Variants in RBFOX1 observed in about 807,000 individuals in gnomAD.
RBFOX1 encodes the protein RNA binding fox-1 homolog 1, also known as RNA binding protein fox-1 homolog 1.
In RBFOX1, 8 loss-of-function variants were observed where a neutral mutation model predicts 57.7. The ratio of observed to expected loss-of-function variants is 0.14; its 90% CI spans 0.08 to 0.25. The LOEUF is 0.25. RBFOX1 is among the 10% of genes least tolerant of loss of function. RBFOX1 has a pLI of 1.00. For missense variants in RBFOX1, 611 were observed against 548.5 expected, an observed-to-expected ratio of 1.11 and a Z score of -1.14; for synonymous variants, 326 against 222.4, an observed-to-expected ratio of 1.47 and a Z score of -4.15.
At chr16:7,228,305 T>G (rs2093279423) in intron 4 of RBFOX1, among the ~76,000 whole-genome samples, 1 of 152,148 alleles carries the variant, frequency 6.6e-6, no homozygotes, top group Non-Finnish European at 1.5e-5. Flanking sequence ...AATATAATGA[T>G]TATTATTCAC....
At chr16:7,491,691 C>T (rs1463182671) in intron 4 of RBFOX1, among the ~76,000 whole-genome samples, 1 of 152,104 alleles carries the variant, frequency 6.6e-6, no homozygotes, top group East Asian at 1.9e-4. Context: ...AGTGCAAGTA[C>T]ATGATTGTGG....
intron 2 of RBFOX1, among the ~76,000 whole-genome samples, chr16:6,386,204 GGATTACAGGCGTAA>G (rs2092270855): frequency 6.6e-6 from 1 of 152,152 alleles, no homozygotes; most frequent in African/African-American, 2.4e-5. Flanking sequence ...CAAAGTGCTC[GGATTACAGGCGTAA>G]GAACACATTT....
intron 4 of RBFOX1, among the ~76,000 whole-genome samples, chr16:5,869,212 C>A (rs1018355957): frequency 1.3e-5 from 2 of 151,958 alleles, no homozygotes; most frequent in Non-Finnish European, 2.9e-5. Flanking sequence ...GGACTGATTG[C>A]GCTTTCTGGA....
At chr16:6,876,006 T>G (rs970370663) in intron 3 of RBFOX1, among the ~76,000 whole-genome samples, 1 of 151,068 alleles carries the variant, frequency 6.6e-6, no homozygotes, top group African/African-American at 2.4e-5. Flanking sequence ...CAAAAAATAA[T>G]AATTCCATTT....
chr16:7,103,031 A>C (rs1296347713), intron 4 of RBFOX1, among the ~76,000 whole-genome samples: 2 of 144,840 alleles, frequency 1.4e-5, no homozygotes, highest in Non-Finnish European at 2.9e-5. Context: ...CTATTTGTCT[A>C]TCTATTTCCA....
At chr16:6,679,879 T>G (rs1020983041) in intron 3 of RBFOX1, among the ~76,000 whole-genome samples, 35 of 1,856 alleles carry the variant, frequency 0.019, no homozygotes, top group Admixed American at 0.023. Flanking sequence ...TTTCTACTTG[T>G]TTTTTTTTTT....
intron 3 of RBFOX1, among the ~76,000 whole-genome samples, chr16:5,669,219 C>G (rs2049941809): frequency 6.6e-6 from 1 of 152,056 alleles, no homozygotes; most frequent in African/African-American, 2.4e-5. Context: ...CCTACTCTGT[C>G]CTTTCCTTCT....
intron 4 of RBFOX1, among the ~76,000 whole-genome samples, chr16:7,105,816 C>A (rs975089303): frequency 6.6e-6 from 1 of 151,928 alleles, no homozygotes; most frequent in Admixed American, 6.6e-5. Context: ...ATCACAGGTT[C>A]TTTATCCACT....
At chr16:7,366,156 G>C (rs2097441806) in intron 4 of RBFOX1, among the ~76,000 whole-genome samples, 1 of 152,198 alleles carries the variant, frequency 6.6e-6, no homozygotes, top group South Asian at 2.1e-4. Flanking sequence ...AGTGTATTGA[G>C]GCCTTTCCCA....
In RBFOX1 at chr16:5,735,650, G is replaced by A. The variant is rs561710971; in HGVS notation, c.319-131653G>A. Among the ~76,000 whole-genome samples the A allele has an allele frequency of 3.3e-5, 5 of 152,244 alleles. No individual in the cohort carries two copies. The South Asian group carries it at 6.2e-4, about 19-fold the overall frequency. Reference sequence around the variant, plus strand: ...AGTGGTTCACGCCTATAATCTCAGCGCTTTGGGAGGCCAAAGTGGGTGGGT... The same window carrying A: ...AGTGGTTCACGCCTATAATCTCAGCACTTTGGGAGGCCAAAGTGGGTGGGT... On this transcript the variant is annotated intron_variant, in intron 3 of 19. Coordinates refer to the RBFOX1 transcript ENST00000641259.
chr16:6,891,116 C>A (rs1179606478), intron 3 of RBFOX1, among the ~76,000 whole-genome samples: 1 of 152,290 alleles, frequency 6.6e-6, no homozygotes, highest in South Asian at 2.1e-4. Flanking sequence ...TCCATTCATT[C>A]ATTAGTGACT....
At chr16:6,947,842 T>C (rs2079869844) in intron 3 of RBFOX1, among the ~76,000 whole-genome samples, 1 of 152,218 alleles carries the variant, frequency 6.6e-6, no homozygotes, top group African/African-American at 2.4e-5. Flanking sequence ...AGTCGTGCAA[T>C]CTTGGCTCAC....
intron 1 of RBFOX1, among the ~76,000 whole-genome samples, chr16:5,370,272 C>T (rs1751111225): frequency 6.6e-6 from 1 of 152,066 alleles, no homozygotes. Flanking sequence ...AGACTTGTAA[C>T]AGACAAGCCC....
chr16:7,578,179 G>A (rs1287150086), intron 5 of RBFOX1, among the ~76,000 whole-genome samples: 1 of 152,120 alleles, frequency 6.6e-6, no homozygotes, highest in Non-Finnish European at 1.5e-5. Context: ...ATACATACCA[G>A]GAACTTGGCC....
At chr16:5,575,850 C>CAGA (rs2046433761) in intron 2 of RBFOX1, among the ~76,000 whole-genome samples, 1 of 150,342 alleles carries the variant, frequency 6.7e-6, no homozygotes, top group Non-Finnish European at 1.5e-5. Flanking sequence ...TTCTCTCATT[C>CAGA]AAAAAAAAAA....
At chr16:6,878,127 G>C (rs138250171) in intron 3 of RBFOX1, among the ~76,000 whole-genome samples, 4 of 152,146 alleles carry the variant, frequency 2.6e-5, no homozygotes, top group Non-Finnish European at 5.9e-5. Flanking sequence ...ACTTCTAAGA[G>C]AAGTGATAGC....
intron 3 of RBFOX1, among the ~76,000 whole-genome samples, chr16:6,918,518 C>A (rs745652237): frequency 1.3e-5 from 2 of 152,102 alleles, no homozygotes; most frequent in Non-Finnish European, 2.9e-5. Flanking sequence ...GGCCCTAATT[C>A]ATAACTTTCA....
At chr16:7,453,606 A>C (rs144980413) in intron 4 of RBFOX1, among the ~76,000 whole-genome samples, 1 of 152,156 alleles carries the variant, frequency 6.6e-6, no homozygotes, top group Non-Finnish European at 1.5e-5. Flanking sequence ...CAGGCACTGT[A>C]TATAGTTTCA....
In RBFOX1 at chr16:6,602,941, G is replaced by T. The variant is rs190026190; in HGVS notation, c.-63-51662G>T. ...TAATAAAACGAGAGCTGGAGATTGG[G>T]AATCCTGACTTGAGCCGGTGCTGTT... On this transcript the variant is annotated intron_variant, in intron 2 of 15. Transcript: ENST00000550418. Among the ~76,000 whole-genome samples the T allele has an allele frequency of 1.2e-4, 19 of 152,250 alleles. No homozygotes were observed. In the South Asian group the frequency reaches 3.9e-3, roughly 32 times the overall value.
Sources: allele counts gnomAD v4.1 joint callset (sites outside exome capture counted in the v4.1 genomes callset), GRCh38; gene constraint gnomAD v4.1.1; transcripts MANE v1.5; gene names NCBI Gene and HGNC (gene_info 2026-07-23, HGNC 2026-07-21).